ZFAND3: variants seen among roughly 807,000 people sequenced by gnomAD.
ZFAND3 encodes zinc finger AN1-type containing 3.
ZFAND3 carries 10 observed loss-of-function variants against 29.6 expected under a neutral mutation model. The ratio of observed to expected loss-of-function variants is 0.34; its 90% confidence interval spans 0.21 to 0.57. ZFAND3 has a LOEUF of 0.57. ZFAND3 is among the 20% of genes least tolerant of loss of function. The probability of loss-of-function intolerance (pLI) is 0.86; values close to 1 mark genes in which losing one functional copy is unlikely to be tolerated. For synonymous variants in ZFAND3, 128 were observed against 112.6 expected (o/e 1.14, Z -0.87); for missense variants, 230 against 304.5 (o/e 0.76, Z 1.82).
intron 2 of ZFAND3, among the ~76,000 whole-genome samples, chr6:37,998,746 T>C (rs1333315028): frequency 6.6e-6 from 1 of 152,186 alleles, no homozygotes; most frequent in African/African-American, 2.4e-5. Context: ...GAAGCCAGAT[T>C]TCTCATTGTT....
chr6:37,854,971 T>G (rs946246702), intron 1 of ZFAND3, among the ~76,000 whole-genome samples: 1 of 137,126 alleles, frequency 7.3e-6, no homozygotes, highest in Non-Finnish European at 1.5e-5. Flanking sequence ...GGTGTTTTTT[T>G]TTTTTTTTTT....
intron 1 of ZFAND3, among the ~76,000 whole-genome samples, chr6:37,821,441 ACTGT>A (rs1434056544): frequency 1.2e-4 from 18 of 152,198 alleles, no homozygotes; most frequent in Non-Finnish European, 2.2e-4. Flanking sequence ...GCTTTCATGG[ACTGT>A]CTAATTCCCA....
chr6:37,885,670 G>A (rs1764977266), intron 1 of ZFAND3, among the ~76,000 whole-genome samples: 1 of 152,034 alleles, frequency 6.6e-6, no homozygotes, highest in Non-Finnish European at 1.5e-5. Context: ...AATAGATGTA[G>A]AGCTGAAGAC....
At chr6:37,869,607 C>G (rs776701230) in intron 1 of ZFAND3, among the ~76,000 whole-genome samples, 3 of 151,210 alleles carry the variant, frequency 2.0e-5, no homozygotes, top group Non-Finnish European at 4.4e-5. Context: ...CTCCTGGGCT[C>G]AGGCAATCCT....
chr6:38,004,710 C>G (rs961722438), intron 2 of ZFAND3, among the ~76,000 whole-genome samples: 4 of 152,148 alleles, frequency 2.6e-5, no homozygotes, highest in Non-Finnish European at 5.9e-5. Context: ...TAGCCCAATA[C>G]ATGATGTTAT....
intron 3 of ZFAND3, among the ~76,000 whole-genome samples, chr6:38,067,430 C>A (rs1764367986): frequency 6.6e-6 from 1 of 152,240 alleles, no homozygotes. Flanking sequence ...ACAGAGCACT[C>A]TGGCTCCAAG....
chr6:37,828,307 A>T (rs1426535117), intron 1 of ZFAND3, among the ~76,000 whole-genome samples: 2 of 152,166 alleles, frequency 1.3e-5, no homozygotes, highest in Non-Finnish European at 2.9e-5. Context: ...TGGAGGCAGG[A>T]AGTTGAGGAA....
At chr6:38,092,957 T>C (rs912045194) in intron 4 of ZFAND3, among the ~76,000 whole-genome samples, 16 of 152,192 alleles carry the variant, frequency 1.1e-4, no homozygotes, top group Non-Finnish European at 1.0e-4. Flanking sequence ...GTTAGAGATA[T>C]TGTAGTTTTT....
intron 5 of ZFAND3, among the ~76,000 whole-genome samples, chr6:38,129,503 G>A (rs1765702531): frequency 1.3e-5 from 2 of 152,150 alleles, no homozygotes; most frequent in Admixed American, 1.3e-4. Flanking sequence ...TTTTGTATAA[G>A]GTGAGAGATG....
chr6:37,994,616 A>AGT (rs1465270244), intron 2 of ZFAND3, among the ~76,000 whole-genome samples: 1 of 152,198 alleles, frequency 6.6e-6, no homozygotes, highest in Admixed American at 6.5e-5. Flanking sequence ...TATCAAATAC[A>AGT]GTGTAGATGC....
At chr6:38,069,464 C>G (rs1462925884) in intron 3 of ZFAND3, among the ~76,000 whole-genome samples, 1 of 152,106 alleles carries the variant, frequency 6.6e-6, no homozygotes, top group Admixed American at 6.5e-5. Context: ...AAGATTCTTT[C>G]CCATAATGAA....
chr6:38,029,146 C>T (rs1316264209), intron 2 of ZFAND3, among the ~76,000 whole-genome samples: 1 of 152,120 alleles, frequency 6.6e-6, no homozygotes, highest in African/African-American at 2.4e-5. Flanking sequence ...TGTAGAAAAG[C>T]CATTTAAAAG....
intron 3 of ZFAND3, among the ~76,000 whole-genome samples, chr6:38,071,093 C>T (rs899650962): frequency 1.3e-5 from 2 of 150,020 alleles, no homozygotes; most frequent in Non-Finnish European, 3.0e-5. Flanking sequence ...GTAACAAATT[C>T]TGGATAAGTA....
intron 1 of ZFAND3, among the ~76,000 whole-genome samples, chr6:37,848,695 C>G (rs1023042540): frequency 6.6e-6 from 1 of 152,116 alleles, no homozygotes; most frequent in Non-Finnish European, 1.5e-5. Flanking sequence ...AGAGCTGTCT[C>G]GCTTAGAATG....
At chr6:37,931,739 T>G (rs748019039) in intron 2 of ZFAND3, among the ~76,000 whole-genome samples, 26 of 152,180 alleles carry the variant, frequency 1.7e-4, no homozygotes, top group Middle Eastern at 3.4e-3. Flanking sequence ...AGAGATTTTT[T>G]TTGTTGTTGT....
At chr6:37,924,388 T>G (rs559890207) in intron 1 of ZFAND3, among the ~76,000 whole-genome samples, 2 of 151,894 alleles carry the variant, frequency 1.3e-5, no homozygotes, top group South Asian at 4.2e-4. Context: ...ATTTATTGGG[T>G]ACCTGTTAAA....
intron 1 of ZFAND3, among the ~76,000 whole-genome samples, chr6:37,900,715 T>A (rs1227474501): frequency 1.3e-5 from 2 of 152,160 alleles, no homozygotes; most frequent in Non-Finnish European, 2.9e-5. Flanking sequence ...GCTATGGAAA[T>A]ATATCAGTAA....
At chr6:38,151,572 G>A (rs1377511098) in intron 5 of ZFAND3, among the ~76,000 whole-genome samples, 1 of 152,130 alleles carries the variant, frequency 6.6e-6, no homozygotes, top group Non-Finnish European at 1.5e-5. Flanking sequence ...GGGGGCCCGA[G>A]TGTGGGCATC....
intron 1 of ZFAND3, among the ~76,000 whole-genome samples, chr6:37,840,711 A>G (rs1764057755): frequency 6.6e-6 from 1 of 152,218 alleles, no homozygotes; most frequent in Non-Finnish European, 1.5e-5. Flanking sequence ...ATCCTTGAAC[A>G]TGGGATATAT....
Sources: allele counts gnomAD v4.1 joint callset (sites outside exome capture counted in the v4.1 genomes callset), GRCh38; gene constraint gnomAD v4.1.1; transcripts MANE v1.5; gene names NCBI Gene and HGNC (gene_info 2026-07-23, HGNC 2026-07-21).